Variants in ARB2A observed in about 807,000 individuals in gnomAD.
ARB2A encodes the protein ARB2 cotranscriptional regulator A.
At chr5:94,039,431 C>T in the ARB2A span, among the ~76,000 whole-genome samples, 3 of 152,178 alleles carry the variant, frequency 2.0e-5, no homozygotes. Flanking sequence ...GTCCTCACTG[C>T]TACACTGCCA....
chr5:93,889,013 A>G, the ARB2A span, among the ~76,000 whole-genome samples: 2 of 151,782 alleles, frequency 1.3e-5, no homozygotes, highest in African/African-American at 4.8e-5. Context: ...TTTTCATTTT[A>G]AGATATTTTC....
At chr5:93,858,819 T>C in the ARB2A span, among the ~76,000 whole-genome samples, 1 of 152,152 alleles carries the variant, frequency 6.6e-6, no homozygotes, top group Admixed American at 6.5e-5. Context: ...AAAATGATCA[T>C]CTTTATAATG....
the ARB2A span, among the ~76,000 whole-genome samples, chr5:94,026,099 G>A: frequency 6.6e-6 from 1 of 152,164 alleles, no homozygotes; most frequent in Non-Finnish European, 1.5e-5. Flanking sequence ...CCAGGCAGGG[G>A]TGACCACAAT....
the ARB2A span, among the ~76,000 whole-genome samples, chr5:93,876,051 A>T: frequency 6.6e-6 from 1 of 152,242 alleles, no homozygotes; most frequent in African/African-American, 2.4e-5. Context: ...GAAGCTTGTT[A>T]AAATTTTATC....
chr5:93,757,500 A>T, the ARB2A span, among the ~76,000 whole-genome samples: 1 of 152,244 alleles, frequency 6.6e-6, no homozygotes, highest in Non-Finnish European at 1.5e-5. Context: ...TAACCTATAA[A>T]GAAAAACCTA....
the ARB2A span, among the ~76,000 whole-genome samples, chr5:93,923,754 G>T: frequency 2.6e-5 from 4 of 152,054 alleles, no homozygotes; most frequent in African/African-American, 9.7e-5. Context: ...GGTTACAATG[G>T]GCTATGATCA....
At chr5:93,918,730 CAA>C in the ARB2A span, among the ~76,000 whole-genome samples, 2 of 152,062 alleles carry the variant, frequency 1.3e-5, no homozygotes, top group Non-Finnish European at 2.9e-5. Flanking sequence ...CCCCAAATTT[CAA>C]ACTCTGTGTT....
the ARB2A span, among the ~76,000 whole-genome samples, chr5:94,004,474 C>T: frequency 6.6e-6 from 1 of 151,454 alleles, no homozygotes; most frequent in South Asian, 2.1e-4. Context: ...CCCAGCTACT[C>T]GGGAGGCTGA....
chr5:93,909,361 T>A, the ARB2A span, among the ~76,000 whole-genome samples: 118 of 151,146 alleles, frequency 7.8e-4, no homozygotes, highest in Middle Eastern at 6.8e-3. Context: ...AGATGTATGA[T>A]TAACTTGTCA....
At chr5:94,055,850 A>G in the ARB2A span, 10 of 985,476 alleles carry the variant, frequency 1.0e-5, no homozygotes, top group East Asian at 9.1e-4. Context: ...GAAACTGTCC[A>G]TACATAAGCA....
the ARB2A span, chr5:94,055,954 T>C: frequency 2.1e-6 from 2 of 932,142 alleles, no homozygotes; most frequent in Admixed American, 1.2e-4. Context: ...TTCAAAGCAC[T>C]TTCATATACA....
chr5:94,066,756 C>T, the ARB2A span, among the ~76,000 whole-genome samples: 1 of 152,030 alleles, frequency 6.6e-6, no homozygotes, highest in East Asian at 1.9e-4. Flanking sequence ...TACCAAATGT[C>T]TAAAGAAAAA....
chr5:93,776,744 C>T, the ARB2A span, among the ~76,000 whole-genome samples: 1 of 152,070 alleles, frequency 6.6e-6, no homozygotes, highest in Non-Finnish European at 1.5e-5. Flanking sequence ...TGCCATTGCA[C>T]TCCAGCCTGG....
chr5:94,096,121 T>G, the ARB2A span, among the ~76,000 whole-genome samples: 2 of 152,208 alleles, frequency 1.3e-5, no homozygotes, highest in African/African-American at 2.4e-5. Flanking sequence ...CCAAACTACT[T>G]AATTCCAGAG....
chr5:93,880,465 A>C, the ARB2A span, among the ~76,000 whole-genome samples: 1 of 151,808 alleles, frequency 6.6e-6, no homozygotes, highest in South Asian at 2.1e-4. Flanking sequence ...AAATGTAAAA[A>C]TAGTTCAAGT....
the ARB2A span, among the ~76,000 whole-genome samples, chr5:93,813,449 G>A: frequency 1.3e-5 from 2 of 152,302 alleles, no homozygotes; most frequent in East Asian, 1.9e-4. Context: ...TAAGAAAAAA[G>A]GATAGAGAGC....
the ARB2A span, among the ~76,000 whole-genome samples, chr5:93,904,462 C>A: frequency 6.6e-6 from 1 of 151,762 alleles, no homozygotes; most frequent in African/African-American, 2.4e-5. Flanking sequence ...GAAAACATAG[C>A]TAGAGTTAAG....
At chr5:94,011,722 G>A in the ARB2A span, among the ~76,000 whole-genome samples, 1 of 152,074 alleles carries the variant, frequency 6.6e-6, no homozygotes, top group Admixed American at 6.6e-5. Flanking sequence ...TTTTGCACAT[G>A]TAGAATGTGA....
chr5:93,670,013 A>G, the ARB2A span, among the ~76,000 whole-genome samples: 1 of 151,980 alleles, frequency 6.6e-6, no homozygotes, highest in Non-Finnish European at 1.5e-5. Context: ...CTTCTCCTAG[A>G]CTTCCTTATC....
Sources: allele counts gnomAD v4.1 joint callset (sites outside exome capture counted in the v4.1 genomes callset), GRCh38; gene constraint gnomAD v4.1.1; transcripts MANE v1.5; gene names NCBI Gene and HGNC (gene_info 2026-07-23, HGNC 2026-07-21).